Variants in ANO1 observed in about 807,000 individuals in gnomAD.
The protein encoded by ANO1 is anoctamin-1.
ANO1 carries 59 observed loss-of-function variants against 124.0 expected under a neutral mutation model. That is an observed-to-expected ratio of 0.48 (90% CI 0.39 to 0.59). ANO1 has a LOEUF of 0.59. Among genes scored for constraint, ANO1 ranks in the 20% least tolerant of loss-of-function variants. The pLI, the probability that ANO1 is intolerant of heterozygous loss-of-function variation, is 0.00. For missense variants in ANO1, 1,059 were observed against 1,328.0 expected (o/e 0.80, Z 3.15); for synonymous variants, 529 against 532.0 (o/e 0.99, Z 0.08).
the ANO1 span, among the ~76,000 whole-genome samples, chr11:69,970,605 T>A: frequency 2.6e-5 from 4 of 152,206 alleles, no homozygotes; most frequent in African/African-American, 4.8e-5. Flanking sequence ...GGGCTGTTTT[T>A]TCATGTCTGT....
intron 1 of ANO1, among the ~76,000 whole-genome samples, chr11:70,017,458 C>T (rs1487672738): frequency 6.6e-6 from 1 of 151,336 alleles, no homozygotes; most frequent in Non-Finnish European, 1.5e-5. Context: ...TCCTTCCTTC[C>T]TTCCTTCCCT....
chr11:70,101,151 G>A (rs980781890), intron 2 of ANO1, among the ~76,000 whole-genome samples: 8 of 151,948 alleles, frequency 5.3e-5, no homozygotes, highest in Non-Finnish European at 1.0e-4. Context: ...GGTCACCTGA[G>A]GTGCTGGGGC....
At chr11:70,000,891 A>G (rs1856370404) in intron 1 of ANO1, among the ~76,000 whole-genome samples, 1 of 151,496 alleles carries the variant, frequency 6.6e-6, no homozygotes, top group South Asian at 2.1e-4. Flanking sequence ...CACACGTTGA[A>G]CAAAAAAGGC....
intron 22 of ANO1, among the ~76,000 whole-genome samples, chr11:70,177,608 T>G (rs1445094307): frequency 2.9e-5 from 4 of 139,026 alleles, no homozygotes; most frequent in Non-Finnish European, 3.1e-5. Flanking sequence ...TTTTTTTTTT[T>G]TTTTTTTTTG....
chr11:70,085,509 C>T, intron 1 of ANO1: 2 of 1,536,086 alleles, frequency 1.3e-6, no homozygotes, highest in Non-Finnish European at 1.7e-6. Flanking sequence ...CAGCCTCCTG[C>T]CGGCACCAGA....
In ANO1 at chr11:70,103,085, G is replaced by C. The variant is rs374982662; in HGVS notation, c.461G>C (p.Gly154Ala). ...CTCCAGACTAAAATCCACGGAGTCG[G>C]GTTTGTGAAAATCCATGCCCCCTGG... ...RDEDTKIHGV[G>A]FVKIHAPWNV... Residue 154 changes from glycine to alanine, a missense_variant, in exon 3 of 26, where the codon GGG becomes GCG. This residue lies in a region of ANO1 where 250 missense variants were observed against 233.1 expected (regional missense o/e 1.07). Transcript: ENST00000355303. The C allele has an allele frequency of 1.2e-5, 20 of 1,612,328 alleles. No individual in the cohort carries two copies. Among genetic ancestry groups the C allele is most frequent in the Non-Finnish European group, 1.7e-5 (20 of 1,179,278 alleles).
At chr11:70,085,576 G>A in intron 1 of ANO1, 1 of 1,535,960 alleles carries the variant, frequency 6.5e-7, no homozygotes, top group Non-Finnish European at 8.7e-7. Flanking sequence ...AGGCATCCTA[G>A]GGCCAGAGAG....
intron 1 of ANO1, among the ~76,000 whole-genome samples, chr11:70,086,250 T>C (rs923312902): frequency 1.3e-5 from 2 of 152,182 alleles, no homozygotes; most frequent in Non-Finnish European, 2.9e-5. Context: ...TATTTTTTCT[T>C]ATTTCGGAAA....
chr11:69,975,757 C>T, the ANO1 span, among the ~76,000 whole-genome samples: 30 of 152,364 alleles, frequency 2.0e-4, no homozygotes, highest in South Asian at 5.0e-3. Flanking sequence ...CACCAGCCAG[C>T]GAAACCTGTC....
chr11:69,973,648 T>C, the ANO1 span, among the ~76,000 whole-genome samples: 1 of 151,772 alleles, frequency 6.6e-6, no homozygotes, highest in Admixed American at 6.6e-5. Flanking sequence ...CCGAAGCGGG[T>C]GGATCACAAG....
Position 70,140,929 on chromosome 11 carries a change from C to T in ANO1, c.1259-8781C>T, listed in dbSNP as rs564880644. ...GGGAATACAGCCCGGCAAGCCCCGG[C>T]CTCATTTTTCCTAGTCCTCACTCAA... On this transcript the variant is annotated intron_variant, in intron 11 of 25. Transcript: ENST00000355303. Among the ~76,000 whole-genome samples, 84 of 152,256 alleles carry T rather than the reference C, an allele frequency of 5.5e-4. 2 individuals carry two copies. The highest frequency in any genetic ancestry group is 1.9e-3 in the African/African-American group (80 of 41,552).
rs945641729 is a variant in ANO1, at chr11:70,079,672, C to T, written c.108+958C>T. 1.2e-4 allele frequency among the ~76,000 whole-genome samples: 19 copies of T among 152,124 alleles called. 1 individual carries two copies. Among genetic ancestry groups the T allele is most frequent in the Admixed American group, 6.5e-5 (1 of 15,274 alleles). ...CCCTTCTACCTTCTTCCCATGCAGACCCCATCAAAGCCCCTCCCCAGGCGT... is the reference window on the plus strand; with the variant it reads ...CCCTTCTACCTTCTTCCCATGCAGATCCCATCAAAGCCCCTCCCCAGGCGT... On this transcript the variant is annotated intron_variant, in intron 1 of 25. Coordinates refer to ENST00000355303, the MANE Select transcript of ANO1 (RefSeq NM_018043.7).
chr11:70,091,357 A>T (rs182012667), intron 2 of ANO1, among the ~76,000 whole-genome samples: 133 of 152,304 alleles, frequency 8.7e-4, no homozygotes, highest in African/African-American at 3.0e-3. Flanking sequence ...AGTCTATCAG[A>T]TTCTCACACT....
At chr11:70,112,449 C>T (rs564828144) in intron 7 of ANO1, among the ~76,000 whole-genome samples, 1 of 152,336 alleles carries the variant, frequency 6.6e-6, no homozygotes, top group South Asian at 2.1e-4. Flanking sequence ...CACTTACCTG[C>T]TCCTCCGCCT....
chr11:70,008,645 CT>C (rs3078418), intron 1 of ANO1, among the ~76,000 whole-genome samples: 41,654 of 148,132 alleles, frequency 0.28, 6,270 homozygotes, highest in African/African-American at 0.41. Flanking sequence ...TCCTTTAGCT[CT>C]TTTTTTTTTT....
chr11:70,036,424 G>C (rs571578048), intron 1 of ANO1, among the ~76,000 whole-genome samples: 1 of 152,194 alleles, frequency 6.6e-6, no homozygotes, highest in East Asian at 1.9e-4. Context: ...TAAGTTCACG[G>C]TCACAGGTTC....
chr11:70,104,323 G>A (rs1385243267), intron 4 of ANO1, among the ~76,000 whole-genome samples, 173 bp downstream of exon 4: 5 of 152,182 alleles, frequency 3.3e-5, no homozygotes, highest in East Asian at 1.9e-4. Context: ...TAAGATCACC[G>A]TTAACTGATG....
At position 70,033,108 on chromosome 11, in the gene ANO1, C is replaced by A. The variant is rs140520751; in HGVS notation, c.59-45434C>A. On this transcript the variant is annotated intron_variant, in intron 1 of 27. Transcript: ENST00000531349. ...TCGATGGGTGTGAGCCAGGGAAAGA[C>A]AAGAGCTCGGTGATGTAGATCCAGG... 1.6e-4 allele frequency among the ~76,000 whole-genome samples: 25 copies of A among 152,274 alleles called. No individual in the cohort carries two copies. The South Asian group carries it at 1.7e-3, about 10-fold the overall frequency.
In ANO1 at chr11:70,102,061, A is replaced by C. The variant is rs534371252; in HGVS notation, c.442-1005A>C. Among the ~76,000 whole-genome samples, 137 of 152,348 alleles carry C rather than the reference A, an allele frequency of 9.0e-4. 2 individuals are homozygous for C. The highest frequency in any genetic ancestry group is 1.8e-3 in the Admixed American group (27 of 15,306). ...TGATGGGGAAATACGTTGTGGCTGCAAAGATGCTGCTCATTTGCTAAAGGG... is the reference window on the plus strand; with the variant it reads ...TGATGGGGAAATACGTTGTGGCTGCCAAGATGCTGCTCATTTGCTAAAGGG... On this transcript the variant is annotated intron_variant, in intron 2 of 25. Coordinates refer to ENST00000355303, the MANE Select transcript of ANO1 (RefSeq NM_018043.7).
Sources: allele counts gnomAD v4.1 joint callset (sites outside exome capture counted in the v4.1 genomes callset), GRCh38; gene constraint gnomAD v4.1.1; regional missense constraint gnomAD v4.1.1; transcripts MANE v1.5; gene names NCBI Gene and HGNC (gene_info 2026-07-23, HGNC 2026-07-21).